Variants in FAM168B observed in about 807,000 individuals in gnomAD.
FAM168B encodes myelin-associated neurite-outgrowth inhibitor.
In FAM168B, 19 loss-of-function variants were observed where a neutral mutation model predicts 21.8. That is an observed-to-expected ratio of 0.87 (90% CI 0.61 to 1.28). FAM168B has a LOEUF of 1.28. Among genes scored for constraint, FAM168B ranks in the 50% most tolerant of loss-of-function variants. FAM168B has a pLI of 0.00. For synonymous variants in FAM168B, 126 were observed against 104.8 expected, an observed-to-expected ratio of 1.20 and a Z score of -1.24; for missense variants, 233 against 263.1, an observed-to-expected ratio of 0.89 and a Z score of 0.79.
At chr2:131,053,210 CAG>C (rs1691804408) in intron 5 of FAM168B, among the ~76,000 whole-genome samples, 195 bp from the exon 6 acceptor site, 1 of 152,232 alleles carries the variant, frequency 6.6e-6, no homozygotes, top group Non-Finnish European at 1.5e-5. Flanking sequence ...GCAAGCTCCA[CAG>C]ACAATATGTT....
chr2:131,075,643 C>T (rs564127264), intron 2 of FAM168B, among the ~76,000 whole-genome samples: 2 of 152,110 alleles, frequency 1.3e-5, no homozygotes, highest in South Asian at 2.1e-4. Flanking sequence ...TACAGGGGCC[C>T]GTGCCCGGCT....
At chr2:131,093,032 G>C (rs918125063) in intron 1 of FAM168B, among the ~76,000 whole-genome samples, 182 bp downstream of exon 1, 1 of 151,438 alleles carries the variant, frequency 6.6e-6, no homozygotes, top group Non-Finnish European at 1.5e-5. Context: ...GTACGTGTCC[G>C]GCCGAGCTCC....
chr2:131,050,784 C>T lies in FAM168B; in HGVS notation c.*1681G>A. The T allele has an allele frequency of 1.0e-6, 1 of 985,472 alleles. No individual in the cohort carries two copies. Among genetic ancestry groups the T allele is most frequent in the Middle Eastern group, 5.2e-4 (1 of 1,916 alleles). The allele number at this position is 985,472 out of a possible 1,614,324, so 61.0% of individuals were successfully genotyped here. On this transcript the variant is annotated 3_prime_UTR_variant, in exon 7 of 7. Transcript: ENST00000389915. ...TCCTCACTGGGCGCCAGTGCCCTGA[C>T]CCAGCTACCAGCAAATGAAGAGGAG...
chr2:131,058,120 G>GTA lies in FAM168B; in HGVS notation c.155-2427_155-2426dup, dbSNP rs10570241. On this transcript the variant is annotated intron_variant, in intron 3 of 6. Coordinates refer to ENST00000389915, the MANE Select transcript of FAM168B (RefSeq NM_001009993.4). ...GTAGTAGGATTACAGGTGTGAGCCT[G>GTA]TATATATATATGTGCCTGGTCCATA... is the stretch of plus-strand genomic sequence containing the variant. Among the ~76,000 whole-genome samples, 27 of 151,972 alleles carry GTA rather than the reference G, an allele frequency of 1.8e-4. No homozygotes were observed. In the East Asian group the frequency reaches 3.1e-3, roughly 17 times the overall value.
At chr2:131,081,920 T>G (rs1693450848) in intron 2 of FAM168B, among the ~76,000 whole-genome samples, 1 of 152,226 alleles carries the variant, frequency 6.6e-6, no homozygotes, top group African/African-American at 2.4e-5. Flanking sequence ...GGGTTATCTC[T>G]TCTACCATAT....
At chr2:131,093,047 C>T (rs1444146151) in intron 1 of FAM168B, among the ~76,000 whole-genome samples, 167 bp downstream of exon 1, 2 of 151,524 alleles carry the variant, frequency 1.3e-5, no homozygotes, top group African/African-American at 4.8e-5. Context: ...AGCTCCGCCC[C>T]CGGCCCCCGC....
At chr2:131,085,161 T>TA (rs995593337) in intron 1 of FAM168B, among the ~76,000 whole-genome samples, 20 of 151,908 alleles carry the variant, frequency 1.3e-4, no homozygotes, top group Admixed American at 3.3e-4. Flanking sequence ...CTGCTAGACC[T>TA]AAAAAAAAGT....
intron 2 of FAM168B, among the ~76,000 whole-genome samples, chr2:131,075,455 A>T (rs1362199985): frequency 6.6e-6 from 1 of 151,440 alleles, no homozygotes; most frequent in African/African-American, 2.4e-5. Context: ...TCCCTGAAAA[A>T]CTACTGTCTT....
At chr2:131,056,270 C>T (rs1049637982) in intron 3 of FAM168B, among the ~76,000 whole-genome samples, 4 of 152,116 alleles carry the variant, frequency 2.6e-5, no homozygotes, top group Non-Finnish European at 5.9e-5. Flanking sequence ...TTGCTTTTGT[C>T]CCCACACAAA....
rs113375281 is a variant in FAM168B, at chr2:131,084,062, C to T, written c.-11-1405G>A. Among the ~76,000 whole-genome samples, 252 of 151,544 alleles carry T rather than the reference C, an allele frequency of 1.7e-3. 1 individual carries two copies. The highest frequency in any genetic ancestry group is 5.8e-3 in the African/African-American group (239 of 41,282). ...GGACTACAGGCGTGCGCCACCACACCCAGCTAATTTTTGTATTTTTAGTAG... is the reference window on the plus strand; with the variant it reads ...GGACTACAGGCGTGCGCCACCACACTCAGCTAATTTTTGTATTTTTAGTAG... On this transcript the variant is annotated intron_variant, in intron 1 of 6. Coordinates refer to ENST00000389915, the MANE Select transcript of FAM168B (RefSeq NM_001009993.4).
At chr2:131,073,945 T>C (rs1693006303) in intron 2 of FAM168B, among the ~76,000 whole-genome samples, 1 of 152,146 alleles carries the variant, frequency 6.6e-6, no homozygotes, top group South Asian at 2.1e-4. Context: ...ATTCATAATA[T>C]GAACGAAACA....
chr2:131,052,573 A>T, intron 6 of FAM168B, 121 bp from the exon 7 acceptor site: 2 of 833,522 alleles, frequency 2.4e-6, no homozygotes, highest in Non-Finnish European at 3.0e-6. Context: ...AAACTGCTGG[A>T]CCTGGTTCTC....
At chr2:131,074,288 C>A (rs1007375970) in intron 2 of FAM168B, among the ~76,000 whole-genome samples, 8 of 152,148 alleles carry the variant, frequency 5.3e-5, no homozygotes, top group Non-Finnish European at 1.0e-4. Flanking sequence ...GCCACCATGT[C>A]CAGCTAATGT....
At chr2:131,090,151 CAAAAAAAAA>C (rs59428455) in intron 1 of FAM168B, among the ~76,000 whole-genome samples, 1 of 119,154 alleles carries the variant, frequency 8.4e-6, no homozygotes, top group Non-Finnish European at 1.7e-5. Context: ...ACCAAAAATA[CAAAAAAAAA>C]AAAAAAAAAA....
At chr2:131,057,654 T>C (rs1346906862) in intron 3 of FAM168B, among the ~76,000 whole-genome samples, 1 of 152,144 alleles carries the variant, frequency 6.6e-6, no homozygotes, top group African/African-American at 2.4e-5. Context: ...GTATAAAGAA[T>C]TTTGGATCAC....
Position 131,050,549 on chromosome 2 carries a change from C to A in FAM168B, c.*1916G>T, listed in dbSNP as rs963896640. 4 of 985,768 alleles carry A rather than the reference C, an allele frequency of 4.1e-6. No individual in the cohort carries two copies. The highest frequency in any genetic ancestry group is 4.8e-6 in the Non-Finnish European group (4 of 829,928). The allele number at this position is 985,768 out of a possible 1,614,324, so 61.1% of individuals were successfully genotyped here. On this transcript the variant is annotated 3_prime_UTR_variant, in exon 7 of 7. Coordinates refer to ENST00000389915, the MANE Select transcript of FAM168B (RefSeq NM_001009993.4). ...AGTGCTCATGAAGCAATTTAAAGTA[C>A]TTATCAGTAAACATTCTATGTTAAT...
chr2:131,062,998 C>T (rs917906133), intron 3 of FAM168B, among the ~76,000 whole-genome samples: 1 of 152,124 alleles, frequency 6.6e-6, no homozygotes, highest in Non-Finnish European at 1.5e-5. Context: ...TGAAACCCAT[C>T]AAAAAATAAG....
chr2:131,064,290 G>T (rs994867570), intron 3 of FAM168B, among the ~76,000 whole-genome samples: 2 of 151,280 alleles, frequency 1.3e-5, no homozygotes, highest in African/African-American at 4.9e-5. Context: ...ATAATTTTTT[G>T]AGTAAAAAAA....
At chr2:131,083,928 G>T (rs186967316) in intron 1 of FAM168B, among the ~76,000 whole-genome samples, 1 of 151,126 alleles carries the variant, frequency 6.6e-6, no homozygotes, top group African/African-American at 2.4e-5. Context: ...TTTCCCAGAC[G>T]GAGTCTCGCT....
Sources: gnomAD v4.1 joint callset for allele counts (sites outside exome capture counted in the v4.1 genomes callset) on GRCh38, gnomAD v4.1.1 for gene constraint, MANE v1.5 for transcripts, NCBI Gene and HGNC (gene_info 2026-07-23, HGNC 2026-07-21) for gene names.